The following MSRA variants were observed in gnomAD, a reference collection of about 807,000 sequenced individuals.
The protein encoded by MSRA is mitochondrial peptide methionine sulfoxide reductase.
A neutral mutation model predicts 31.3 loss-of-function variants in MSRA; 54 were observed. The ratio of observed to expected loss-of-function variants is 1.73; its 90% CI spans 1.39 to 2.17. The LOEUF (loss-of-function observed/expected upper bound fraction) is 2.17, where lower values mean the gene tolerates loss of function less well. Among genes scored for constraint, MSRA ranks in the 30% most tolerant of loss-of-function variants. MSRA has a pLI of 0.00. For missense variants in MSRA, 507 were observed against 300.9 expected (o/e 1.69, Z -5.07); for synonymous variants, 169 against 116.5 (o/e 1.45, Z -2.90).
At chr8:10,395,709 A>T (rs1372313883) in intron 5 of MSRA, among the ~76,000 whole-genome samples, 2 of 152,214 alleles carry the variant, frequency 1.3e-5, no homozygotes, top group Non-Finnish European at 2.9e-5. Flanking sequence ...CCCTGGGTTC[A>T]TCCTAGCTAC....
chr8:10,144,602 C>T (rs1035107080), intron 1 of MSRA, among the ~76,000 whole-genome samples: 30 of 150,068 alleles, frequency 2.0e-4, no homozygotes, highest in Admixed American at 5.3e-4. Flanking sequence ...TTCCCCCCCT[C>T]CTCCCCCTTC....
intron 5 of MSRA, among the ~76,000 whole-genome samples, chr8:10,371,675 G>T (rs1304008251): frequency 6.6e-6 from 1 of 152,108 alleles, no homozygotes; most frequent in Non-Finnish European, 1.5e-5. Flanking sequence ...GCTACCAGAA[G>T]CTCCTTGTTT....
At chr8:10,195,719 A>C (rs1216362197) in intron 1 of MSRA, among the ~76,000 whole-genome samples, 1 of 152,218 alleles carries the variant, frequency 6.6e-6, no homozygotes, top group African/African-American at 2.4e-5. Flanking sequence ...TTTCTTCTTA[A>C]AGTCACATAT....
intron 1 of MSRA, among the ~76,000 whole-genome samples, chr8:10,191,005 A>G (rs950786329): frequency 1.3e-5 from 2 of 152,188 alleles, no homozygotes; most frequent in Non-Finnish European, 2.9e-5. Context: ...CATGACCGTG[A>G]GCAGAGATGT....
chr8:10,364,745 T>C lies in MSRA; in HGVS notation c.543+44756T>C, dbSNP rs1175248846. Among the ~76,000 whole-genome samples the C allele has an allele frequency of 3.3e-5, 5 of 152,308 alleles. No homozygotes were observed. The East Asian group carries it at 7.7e-4, about 24-fold the overall frequency. ...AGTTCATTCCCTCGGCAGATGGGCGTGCCAGATATCACGTGTACTGTCTTG... is the reference window on the plus strand; with the variant it reads ...AGTTCATTCCCTCGGCAGATGGGCGCGCCAGATATCACGTGTACTGTCTTG... On this transcript the variant is annotated intron_variant, in intron 5 of 5. Transcript: ENST00000317173.
chr8:10,292,656 C>T (rs370607360), intron 3 of MSRA, among the ~76,000 whole-genome samples: 4 of 152,358 alleles, frequency 2.6e-5, no homozygotes, highest in East Asian at 3.9e-4. Context: ...CCCTGCACAG[C>T]GCCTCTTCCT....
In MSRA at chr8:10,370,896, A is replaced by G. The variant is rs115381455; in HGVS notation, c.543+50907A>G. The stretch of plus-strand genomic sequence containing the variant: ...AGTGCCAATGTTGCCATGGAGAGAA[A>G]AGGCGCCAGCGTTTTGTTCTGGGAC... On this transcript the variant is annotated intron_variant, in intron 5 of 5. Transcript: ENST00000317173. Among the ~76,000 whole-genome samples, 1,484 of 152,314 alleles carry G rather than the reference A, an allele frequency of 9.7e-3. 23 individuals carry two copies. Among genetic ancestry groups the G allele is most frequent in the African/African-American group, 0.034 (1,431 of 41,562 alleles).
chr8:10,275,335 C>T (rs1481675734), intron 3 of MSRA, among the ~76,000 whole-genome samples: 1 of 152,202 alleles, frequency 6.6e-6, no homozygotes, highest in Non-Finnish European at 1.5e-5. Context: ...AAATGATTAT[C>T]TGGGTCTTCT....
At chr8:10,097,660 TC>T (rs1483748691) in intron 1 of MSRA, among the ~76,000 whole-genome samples, 1 of 152,178 alleles carries the variant, frequency 6.6e-6, no homozygotes, top group Non-Finnish European at 1.5e-5. Context: ...GTCCATTTTT[TC>T]TTGAAGTTAA....
chr8:10,341,372 G>A (rs1392096766), intron 5 of MSRA, among the ~76,000 whole-genome samples: 6 of 152,076 alleles, frequency 3.9e-5, no homozygotes, highest in South Asian at 2.1e-4. Context: ...GGTGCCACAC[G>A]TTTTGAAAGA....
At chr8:10,392,911 A>AT (rs1179699654) in intron 5 of MSRA, among the ~76,000 whole-genome samples, 2 of 141,694 alleles carry the variant, frequency 1.4e-5, no homozygotes, top group African/African-American at 5.0e-5. Context: ...AAAAAAAAAA[A>AT]ATTAGCCGGC....
intron 2 of MSRA, among the ~76,000 whole-genome samples, chr8:10,211,637 C>T (rs1332792183): frequency 2.6e-5 from 4 of 152,100 alleles, no homozygotes; most frequent in Admixed American, 6.6e-5. Flanking sequence ...GTGTAGTGGG[C>T]ATCATTGTGC....
At chr8:10,349,911 C>T (rs1263669093) in intron 5 of MSRA, among the ~76,000 whole-genome samples, 10 of 152,226 alleles carry the variant, frequency 6.6e-5, no homozygotes, top group African/African-American at 2.2e-4. Flanking sequence ...CCTGTCACCC[C>T]CTTTTGTTAC....
intron 5 of MSRA, among the ~76,000 whole-genome samples, chr8:10,384,756 C>G (rs1365267390): frequency 1.3e-5 from 2 of 152,112 alleles, no homozygotes; most frequent in Non-Finnish European, 2.9e-5. Flanking sequence ...GCCTGAAATC[C>G]TAGCAGTTTG....
At chr8:10,161,533 AAAC>A (rs1804643944) in intron 1 of MSRA, among the ~76,000 whole-genome samples, 1 of 152,190 alleles carries the variant, frequency 6.6e-6, no homozygotes. Context: ...TTCTTCTAGA[AAAC>A]AATTTTGGGA....
At chr8:10,125,077 C>T (rs1369175560) in intron 1 of MSRA, among the ~76,000 whole-genome samples, 1 of 152,212 alleles carries the variant, frequency 6.6e-6, no homozygotes, top group African/African-American at 2.4e-5. Context: ...CTGTGTCTGT[C>T]ATTAGCGATT....
chr8:10,359,548 C>A (rs376899594), intron 5 of MSRA, among the ~76,000 whole-genome samples: 1 of 152,188 alleles, frequency 6.6e-6, no homozygotes, highest in Non-Finnish European at 1.5e-5. Flanking sequence ...TCCTTCTCCA[C>A]CTCCTCCTCT....
chr8:10,420,254 A>G (rs1374028259), intron 5 of MSRA, among the ~76,000 whole-genome samples: 1 of 151,850 alleles, frequency 6.6e-6, no homozygotes, highest in African/African-American at 2.4e-5. Context: ...AGAAAGCAGA[A>G]TGGGGGTTGC....
chr8:10,195,439 C>G (rs1807886976), intron 1 of MSRA, among the ~76,000 whole-genome samples: 1 of 152,158 alleles, frequency 6.6e-6, no homozygotes, highest in Admixed American at 6.5e-5. Context: ...TGGGGGTTCC[C>G]CATGTTGCCC....
Sources: allele counts gnomAD v4.1 joint callset (sites outside exome capture counted in the v4.1 genomes callset), GRCh38; gene constraint gnomAD v4.1.1; transcripts MANE v1.5; gene names NCBI Gene and HGNC (gene_info 2026-07-23, HGNC 2026-07-21).